The following PTPN2 variants were observed in gnomAD, a reference collection of about 807,000 sequenced individuals.
PTPN2 encodes tyrosine-protein phosphatase non-receptor type 2.
In PTPN2, 19 loss-of-function variants were observed where a neutral mutation model predicts 57.3. That is an observed-to-expected ratio of 0.33 (90% CI 0.23 to 0.49). The LOEUF (loss-of-function observed/expected upper bound fraction) is 0.49. Ranked by LOEUF, PTPN2 falls within the 20% of genes least tolerant of loss-of-function variation. The probability of loss-of-function intolerance (pLI) is 0.99; values close to 1 mark genes in which losing one functional copy is unlikely to be tolerated. For synonymous variants in PTPN2, 153 were observed against 164.9 expected (o/e 0.93, Z 0.55); for missense variants, 358 against 501.1 (o/e 0.71, Z 2.73).
chr18:12,815,085 AAAATAAATAAATAAATAAATAAATAAAT>A (rs199758431), intron 6 of PTPN2, among the ~76,000 whole-genome samples: 8 of 137,126 alleles, frequency 5.8e-5, no homozygotes, highest in African/African-American at 1.7e-4. Flanking sequence ...CTCCATCTCA[AAAATAAATAAATAAATAAATAAATAAAT>A]AAATAAATAA....
At chr18:12,810,983 C>T (rs1266226066) in intron 7 of PTPN2, among the ~76,000 whole-genome samples, 1 of 152,174 alleles carries the variant, frequency 6.6e-6, no homozygotes, top group Non-Finnish European at 1.5e-5. Flanking sequence ...GTTACTCAAT[C>T]CAAATCTTTT....
chr18:12,870,351 GTGTATATATA>G (rs1568168862), intron 1 of PTPN2, among the ~76,000 whole-genome samples: 1 of 28,686 alleles, frequency 3.5e-5, no homozygotes, highest in Non-Finnish European at 6.3e-5. Context: ...ACATATATAT[GTGTATATATA>G]TGTGTATATA....
At chr18:12,814,036 T>C (rs909392627) in intron 7 of PTPN2, among the ~76,000 whole-genome samples, 167 bp downstream of exon 7, 2 of 152,224 alleles carry the variant, frequency 1.3e-5, no homozygotes, top group African/African-American at 4.8e-5. Context: ...TGAGTATATA[T>C]GAGGAAGCTA....
At chr18:12,792,054 C>T, downstream of PTPN2, 1 of 235,736 alleles carries the variant, frequency 4.2e-6, no homozygotes, top group Non-Finnish European at 6.9e-6. Flanking sequence ...TGCCTCAACA[C>T]AGGTTTAATG....
intron 1 of PTPN2, 123 bp downstream of exon 1, chr18:12,883,950 C>G: frequency 1.3e-6 from 1 of 796,170 alleles, no homozygotes. Flanking sequence ...ACCGCGCCGC[C>G]ACTTCCGCCC....
chr18:12,786,516 G>T (rs868254491), intron 9 of PTPN2: 2 of 152,234 alleles, frequency 1.3e-5, no homozygotes, highest in Middle Eastern at 6.8e-3. Flanking sequence ...ATTCAAATAA[G>T]CAACAGATGG....
At chr18:12,807,247 C>T (rs760588846) in intron 7 of PTPN2, among the ~76,000 whole-genome samples, 4 of 151,874 alleles carry the variant, frequency 2.6e-5, no homozygotes, top group African/African-American at 4.8e-5. Context: ...CACCACACCC[C>T]AATTAGAATG....
At chr18:12,839,938 G>A (rs1276913232) in intron 2 of PTPN2, among the ~76,000 whole-genome samples, 3 of 146,416 alleles carry the variant, frequency 2.0e-5, no homozygotes, top group African/African-American at 7.4e-5. Context: ...GTCATCATAA[G>A]CTTTAAAAAA....
intron 1 of PTPN2, among the ~76,000 whole-genome samples, chr18:12,860,471 C>T (rs2043763254): frequency 6.6e-6 from 1 of 152,000 alleles, no homozygotes; most frequent in Admixed American, 6.6e-5. Context: ...ATGGCAGGCA[C>T]CTGTAATCCC....
intron 1 of PTPN2, among the ~76,000 whole-genome samples, chr18:12,878,035 G>C (rs546393814): frequency 1.3e-5 from 2 of 148,410 alleles, no homozygotes; most frequent in South Asian, 4.3e-4. Flanking sequence ...CTCAAAAAAA[G>C]AAAAAGAAAA....
intron 7 of PTPN2, among the ~76,000 whole-genome samples, chr18:12,808,326 G>T (rs889398640): frequency 1.3e-5 from 2 of 151,146 alleles, no homozygotes; most frequent in African/African-American, 2.4e-5. Context: ...ATTAAATAGA[G>T]ATTTCAAAAT....
chr18:12,810,571 G>C (rs114156396), intron 7 of PTPN2, among the ~76,000 whole-genome samples: 2,059 of 152,216 alleles, frequency 0.014, 52 homozygotes, highest in African/African-American at 0.047. Context: ...TCAGATTCCT[G>C]AGTAGCTGGG....
chr18:12,818,546 T>C (rs972771579), intron 5 of PTPN2, among the ~76,000 whole-genome samples: 2 of 152,190 alleles, frequency 1.3e-5, no homozygotes, highest in African/African-American at 4.8e-5. Flanking sequence ...TTTTTGCCAA[T>C]TGCCTTTTGC....
At chr18:12,812,498 C>G (rs1185487412) in intron 7 of PTPN2, among the ~76,000 whole-genome samples, 3 of 152,190 alleles carry the variant, frequency 2.0e-5, no homozygotes, top group Non-Finnish European at 2.9e-5. Context: ...ACTCGGAAGG[C>G]TGAGTGGGGA....
chr18:12,878,249 C>T (rs1019189252), intron 1 of PTPN2, among the ~76,000 whole-genome samples: 15 of 143,010 alleles, frequency 1.0e-4, no homozygotes, highest in African/African-American at 1.0e-4. Flanking sequence ...CCCAAGAGGT[C>T]GAGACTGCAG....
chr18:12,877,552 G>A (rs1211611634), intron 1 of PTPN2, among the ~76,000 whole-genome samples: 2 of 152,162 alleles, frequency 1.3e-5, no homozygotes, highest in Non-Finnish European at 2.9e-5. Flanking sequence ...AGTAGGCAAG[G>A]GAAGTGTTTT....
chr18:12,793,217 A>G lies in PTPN2; in HGVS notation c.*1061T>C, dbSNP rs1598725348. 29 of 977,324 alleles carry G rather than the reference A, an allele frequency of 3.0e-5. 1 individual carries two copies. The South Asian group carries it at 1.2e-3, about 40-fold the overall frequency. The allele number at this position is 977,324 out of a possible 1,614,324, so 60.5% of individuals were successfully genotyped here. ...TTAAATTCATTAAACAGTTTGCTTT[A>G]AAAAATATTCATTAAGTTAAAATGA... is the stretch of plus-strand genomic sequence containing the variant. On this transcript the variant is annotated 3_prime_UTR_variant, in exon 9 of 9. Transcript: ENST00000309660.
intron 1 of PTPN2, 123 bp downstream of exon 1, chr18:12,883,950 C>T: frequency 5.0e-6 from 4 of 796,170 alleles, no homozygotes; most frequent in Non-Finnish European, 7.6e-6. Flanking sequence ...ACCGCGCCGC[C>T]ACTTCCGCCC....
chr18:12,863,052 T>C (rs538420485), intron 1 of PTPN2: 1 of 152,314 alleles, frequency 6.6e-6, no homozygotes, highest in Non-Finnish European at 1.5e-5. Context: ...AGTATCTGTC[T>C]AAATGGCATT....
Sources: gnomAD v4.1 joint callset for allele counts (sites outside exome capture counted in the v4.1 genomes callset) on GRCh38, gnomAD v4.1.1 for gene constraint, MANE v1.5 for transcripts, NCBI Gene and HGNC (gene_info 2026-07-23, HGNC 2026-07-21) for gene names.